CALHM6: variants seen among roughly 807,000 people sequenced by gnomAD.
CALHM6 encodes calcium homeostasis modulator protein 6.
Under a neutral mutation model 12.7 loss-of-function variants are expected in CALHM6, and 15 were observed. The ratio of observed to expected loss-of-function variants is 1.18; its 90% CI spans 0.79 to 1.82. The LOEUF is 1.82. Ranked by LOEUF, CALHM6 falls within the 40% of genes most tolerant of loss-of-function variation. CALHM6 has a pLI of 0.00. For missense variants in CALHM6, 434 were observed against 421.0 expected (o/e 1.03, Z -0.27); for synonymous variants, 212 against 193.7 (o/e 1.09, Z -0.78).
Position 116,462,142 on chromosome 6 carries a change from C to A in CALHM6, c.213C>A (p.Ser71Arg). Residue 71 changes from serine (S) to arginine (R), a missense_variant, in exon 2 of 3, where the codon AGC becomes AGA. Ser to Arg is a moderately radical substitution (Grantham distance 110). Transcript: ENST00000368605. ...TCTTCCTCCTGGGCTACGTGCTGAG[C>A]GCACGCACGTGGCGCCTGCTCACCG... ...LALFLLGYVL[S>R]ARTWRLLTGC... The A allele has an allele frequency of 1.3e-6, 2 of 1,532,388 alleles. No individual in the cohort carries two copies. The highest frequency in any genetic ancestry group is 8.8e-7 in the Non-Finnish European group (1 of 1,142,170). The allele number at this position is 1,532,388 out of a possible 1,614,324, so 94.9% of individuals were successfully genotyped here. A position where few individuals can be genotyped will look rare whatever the true frequency, so the allele number is the denominator to read the frequency against.
chr6:116,462,707 C>T (rs779715616), intron 2 of CALHM6, among the ~76,000 whole-genome samples: 2 of 152,114 alleles, frequency 1.3e-5, no homozygotes, highest in Non-Finnish European at 2.9e-5. Flanking sequence ...AGTGGGCACG[C>T]CTACTCAGTG....
Position 116,462,153 on chromosome 6 carries a change from G to A in CALHM6, c.224G>A (p.Trp75Ter). 1 of 1,529,832 alleles carries A rather than the reference G, an allele frequency of 6.5e-7. No homozygotes were observed. The highest frequency in any genetic ancestry group is 1.2e-5 in the South Asian group (1 of 83,516). The allele number at this position is 1,529,832 out of a possible 1,614,324, so 94.8% of individuals were successfully genotyped here. A position where few individuals can be genotyped will look rare whatever the true frequency, so the allele number is the denominator to read the frequency against. ...LLGYVLSART[W>*]RLLTGCCSSA... ...GGCTACGTGCTGAGCGCACGCACGTGGCGCCTGCTCACCGGATGCTGCTCC... is the reference window on the plus strand; with the variant it reads ...GGCTACGTGCTGAGCGCACGCACGTAGCGCCTGCTCACCGGATGCTGCTCC... Residue 75 changes from tryptophan (W) to a stop codon, truncating the protein, a stop_gained, in exon 2 of 3, where the codon TGG (tryptophan) becomes TAG (stop). Coordinates refer to ENST00000368605, the MANE Select transcript of CALHM6 (RefSeq NM_001010919.3). LOFTEE classifies it high-confidence loss of function.
At position 116,461,894 on chromosome 6, in the gene CALHM6, C is replaced by A; in HGVS notation, c.-36C>A. The A allele has an allele frequency of 6.8e-7, 1 of 1,474,680 alleles. No individual in the cohort carries two copies. Among genetic ancestry groups the A allele is most frequent in the Non-Finnish European group, 9.0e-7 (1 of 1,106,334 alleles). The allele number at this position is 1,474,680 out of a possible 1,614,324, so 91.3% of individuals were successfully genotyped here. On this transcript the variant is annotated 5_prime_UTR_variant, in exon 2 of 3. It adds an upstream start codon to the 5' untranslated region. Transcript: ENST00000368605. ...CAGGACAACGAAGAGGCAGAAGGAT[C>A]TGGGCCTGTGCGCGACGCCCCGGGG...
chr6:116,463,033 G>C (rs887666640), intron 2 of CALHM6, among the ~76,000 whole-genome samples: 2 of 152,164 alleles, frequency 1.3e-5, no homozygotes, highest in Non-Finnish European at 2.9e-5. Flanking sequence ...AGTTCTAAGG[G>C]AATGGTATGG....
At position 116,463,560 on chromosome 6, in the gene CALHM6, C is replaced by T. The variant is rs199779640; in HGVS notation, c.803C>T (p.Pro268Leu). 3 of 1,614,002 alleles carry T rather than the reference C, an allele frequency of 1.9e-6. No homozygotes were observed. The Admixed American group carries it at 5.0e-5, about 27-fold the overall frequency. The part of the protein sequence containing the change: ...QQISSLYTFN[P>L]KGQYYSMLHK... ...ATTTCATCACTGTATACTTTCAATCCGAAGGGCCAGTACTACAGCATGTTG... is the reference window on the plus strand; with the variant it reads ...ATTTCATCACTGTATACTTTCAATCTGAAGGGCCAGTACTACAGCATGTTG... Residue 268 changes from proline (P) to leucine (L), a missense_variant, in exon 3 of 3, where the codon CCG becomes CTG. Pro to Leu is a moderately conservative substitution (Grantham distance 98). Transcript: ENST00000368605.
rs11299983 is a variant in CALHM6 at position 116,463,721 on chromosome 6, GA to G, written c.*25del. On this transcript the variant is annotated 3_prime_UTR_variant, in exon 3 of 3. Coordinates refer to ENST00000368605, the MANE Select transcript of CALHM6 (RefSeq NM_001010919.3). ...TGAGTTATGACCTTTTGAATGAGTAGAAAAAAAAATTGTTTTGAATTATTGC... is the reference window on the plus strand; with the variant it reads ...TGAGTTATGACCTTTTGAATGAGTAGAAAAAAAATTGTTTTGAATTATTGC... 4,259 of 1,450,412 alleles carry G rather than the reference GA, an allele frequency of 2.9e-3. 68 individuals carry two copies. Among genetic ancestry groups the G allele is most frequent in the Admixed American group, 0.029 (1,134 of 39,776 alleles). The allele number at this position is 1,450,412 out of a possible 1,614,324, so 89.8% of individuals were successfully genotyped here. A position where few individuals can be genotyped will look rare whatever the true frequency, so the allele number is the denominator to read the frequency against.
chr6:116,462,150 C>G lies in CALHM6; in HGVS notation c.221C>G (p.Thr74Arg), dbSNP rs1453322550. The G allele has an allele frequency of 6.5e-7, 1 of 1,530,140 alleles. No homozygotes were observed. Among genetic ancestry groups the G allele is most frequent in the Admixed American group, 2.0e-5 (1 of 50,684 alleles). The allele number at this position is 1,530,140 out of a possible 1,614,324, so 94.8% of individuals were successfully genotyped here. Residue 74 changes from threonine (T) to arginine (R), a missense_variant, in exon 2 of 3, where the codon ACG becomes AGG. By Grantham distance (71) the Thr-to-Arg change is moderately conservative. Coordinates refer to ENST00000368605, the MANE Select transcript of CALHM6 (RefSeq NM_001010919.3). ...CTGGGCTACGTGCTGAGCGCACGCA[C>G]GTGGCGCCTGCTCACCGGATGCTGC... ...FLLGYVLSARTWRLLTGCCSS... is the reference protein window; with the variant it reads ...FLLGYVLSARRWRLLTGCCSS...
Position 116,462,023 on chromosome 6 carries a change from C to A in CALHM6, c.94C>A (p.Arg32Ser). The A allele has an allele frequency of 6.5e-7, 1 of 1,548,442 alleles. No homozygotes were observed. The highest frequency in any genetic ancestry group is 8.7e-7 in the Non-Finnish European group (1 of 1,146,174). ...GACCCTGCTGACGGCGGGCGGGGAG[C>A]GCATCTTCTCCGCCGTGGCATTCCA... ...LVTLLTAGGE[R>S]IFSAVAFQCP... The change falls in exon 2 of 3, where the codon CGC (arginine) becomes AGC (serine). Residue 32 changes from arginine (R) to serine (S), a missense_variant. By Grantham distance (110) the Arg-to-Ser change is moderately radical (BLOSUM62 -1). Coordinates refer to ENST00000368605, the MANE Select transcript of CALHM6 (RefSeq NM_001010919.3).
Position 116,462,424 on chromosome 6 carries a change from C to T in CALHM6, c.495C>T (p.Asp165=), listed in dbSNP as rs751061740. The T allele has an allele frequency of 6.0e-6, 9 of 1,501,380 alleles. No homozygotes were observed. The highest frequency in any genetic ancestry group is 8.0e-6 in the Non-Finnish European group (9 of 1,125,402). 93.0% of individuals were successfully genotyped at this position (1,501,380 alleles called of 1,614,324 possible). ...AGGCCAAGGCGTCGGACGTGCAGGA[C>T]CTCCTGAAGGATCTGAAGGCTCAGT... ...CNQAKASDVQ[D]LLKDLKAQSQ... is the part of the protein sequence containing the mutation. Residue 165 remains aspartate (D), a synonymous_variant, in exon 2 of 3, where the codon GAC becomes GAT. Transcript: ENST00000368605.
chr6:116,462,411 C>G lies in CALHM6; in HGVS notation c.482C>G (p.Ser161Trp), dbSNP rs999988021. The change falls in exon 2 of 3, where the codon TCG becomes TGG. Residue 161 changes from serine to tryptophan, a missense_variant. Transcript: ENST00000368605. Reference protein sequence around the residue: ...PLVPCNQAKASDVQDLLKDLK... With the variant: ...PLVPCNQAKAWDVQDLLKDLK... The stretch of plus-strand genomic sequence containing the variant: ...GTGCCGTGCAACCAGGCCAAGGCGT[C>G]GGACGTGCAGGACCTCCTGAAGGAT... 5 of 1,495,186 alleles carry G rather than the reference C, an allele frequency of 3.3e-6. No individual in the cohort carries two copies. Among genetic ancestry groups the G allele is most frequent in the Non-Finnish European group, 4.5e-6 (5 of 1,123,522 alleles). 92.6% of individuals were successfully genotyped at this position (1,495,186 alleles called of 1,614,324 possible). A position where few individuals can be genotyped will look rare whatever the true frequency, so the allele number is the denominator to read the frequency against.
At chr6:116,462,671 C>T (rs556617380) in intron 2 of CALHM6, among the ~76,000 whole-genome samples, 3 of 152,270 alleles carry the variant, frequency 2.0e-5, no homozygotes, top group Non-Finnish European at 2.9e-5. Context: ...TGGCACTGTA[C>T]ATGAATCGTG....
rs1290424945 is a variant in CALHM6, at chr6:116,462,108, C to A, written c.179C>A (p.Ala60Glu). The change falls in exon 2 of 3, where the codon GCG (alanine) becomes GAG (glutamate). Residue 60 changes from alanine to glutamate, a missense_variant. Ala to Glu is a moderately radical substitution (Grantham distance 107). Transcript: ENST00000368605. ...GGCCTGGTCTTCTTGCTGGTGCCGG[C>A]GCTCGCGCTCTTCCTCCTGGGCTAC... is the stretch of plus-strand genomic sequence containing the variant. Reference protein sequence around the residue: ...PYGLVFLLVPALALFLLGYVL... With the variant: ...PYGLVFLLVPELALFLLGYVL... The A allele has an allele frequency of 1.8e-5, 27 of 1,542,058 alleles. No homozygotes were observed. The highest frequency in any genetic ancestry group is 2.4e-5 in the Non-Finnish European group (27 of 1,145,514).
chr6:116,462,698 G>A (rs911393316), intron 2 of CALHM6, among the ~76,000 whole-genome samples: 1 of 152,186 alleles, frequency 6.6e-6, no homozygotes, highest in African/African-American at 2.4e-5. Context: ...GGGAGTGAGA[G>A]TGGGCACGCC....
At position 116,462,292 on chromosome 6, in the gene CALHM6, C is replaced by T. The variant is rs1027902364; in HGVS notation, c.363C>T (p.Gly121=). ...GGGTGGCCGTGGCGCTGCTCGGGGG[C>T]GCCTTTTACGAGTGCGCGGCCACCG... The part of the protein sequence containing the change: ...LTWVAVALLG[G]AFYECAATGS... The change falls in exon 2 of 3, where the codon GGC becomes GGT. Residue 121 remains glycine (G), a synonymous_variant. Transcript: ENST00000368605. The T allele has an allele frequency of 5.0e-6, 7 of 1,411,178 alleles. No individual in the cohort carries two copies. The highest frequency in any genetic ancestry group is 3.1e-5 in the Admixed American group (1 of 32,342). 87.4% of individuals were successfully genotyped at this position (1,411,178 alleles called of 1,614,324 possible).
Position 116,462,143 on chromosome 6 carries a change from G to A in CALHM6, c.214G>A (p.Ala72Thr), listed in dbSNP as rs1430243008. The change falls in exon 2 of 3, where the codon GCA (alanine) becomes ACA (threonine). Residue 72 changes from alanine to threonine, a missense_variant. Physicochemically the swap from Ala to Thr is moderately conservative, Grantham distance 58. Coordinates refer to ENST00000368605, the MANE Select transcript of CALHM6 (RefSeq NM_001010919.3). ...ALFLLGYVLS[A>T]RTWRLLTGCC... ...CTTCCTCCTGGGCTACGTGCTGAGC[G>A]CACGCACGTGGCGCCTGCTCACCGG... 3 of 1,531,762 alleles carry A rather than the reference G, an allele frequency of 2.0e-6. No individual in the cohort carries two copies. Among genetic ancestry groups the A allele is most frequent in the Non-Finnish European group, 2.6e-6 (3 of 1,142,040 alleles). 94.9% of individuals were successfully genotyped at this position (1,531,762 alleles called of 1,614,324 possible). A position where few individuals can be genotyped will look rare whatever the true frequency, so the allele number is the denominator to read the frequency against.
rs777324442 is a variant in CALHM6, at chr6:116,462,060, G to C, written c.131G>C (p.Ser44Thr). ...FSAVAFQCPC[S>T]AAWNLPYGLV... Reference sequence around the variant, plus strand: ...GCCGTGGCATTCCAGTGCCCGTGCAGCGCCGCCTGGAACCTGCCCTACGGC... The same window carrying C: ...GCCGTGGCATTCCAGTGCCCGTGCACCGCCGCCTGGAACCTGCCCTACGGC... The change falls in exon 2 of 3, where the codon AGC (serine) becomes ACC (threonine). Residue 44 changes from serine (S) to threonine (T), a missense_variant. Transcript: ENST00000368605. 2 of 1,548,074 alleles carry C rather than the reference G, an allele frequency of 1.3e-6. No homozygotes were observed. Among genetic ancestry groups the C allele is most frequent in the Non-Finnish European group, 1.7e-6 (2 of 1,146,410 alleles).
chr6:116,463,248 G>T, intron 2 of CALHM6, 35 bp from the exon 3 acceptor site: 1 of 1,545,416 alleles, frequency 6.5e-7, no homozygotes, highest in Non-Finnish European at 8.7e-7. Context: ...AAAAAACCAA[G>T]TAACTAAATT....
rs1225557318 is a variant in CALHM6, at chr6:116,463,356, C to T, written c.599C>T (p.Ser200Phe). Residue 200 changes from serine (S) to phenylalanine (F), a missense_variant, in exon 3 of 3, where the codon TCT becomes TTT. Transcript: ENST00000368605. Reference sequence around the variant, plus strand: ...TTTACATCTGTCACCCGATGCCTATCTCCAGTTAGTTTTCTGCAGCTGAAA... The same window carrying T: ...TTTACATCTGTCACCCGATGCCTATTTCCAGTTAGTTTTCTGCAGCTGAAA... ...LIFTSVTRCL[S>F]PVSFLQLKFW... The T allele has an allele frequency of 1.2e-6, 2 of 1,614,100 alleles. No individual in the cohort carries two copies. The highest frequency in any genetic ancestry group is 4.5e-5 in the East Asian group (2 of 44,876).
chr6:116,463,540 A>G lies in CALHM6; in HGVS notation c.783A>G (p.Ser261=). 1.9e-6 allele frequency: 3 copies of G among 1,614,154 alleles called. No individual in the cohort carries two copies. The highest frequency in any genetic ancestry group is 2.5e-6 in the Non-Finnish European group (3 of 1,180,016). The change falls in exon 3 of 3, where the codon TCA becomes TCG. Residue 261 remains serine, a synonymous_variant. Transcript: ENST00000368605. The part of the protein sequence containing the change: ...TPSMKEWQQI[S]SLYTFNPKGQ... ...GCATGAAAGAGTGGCAGCAAATTTC[A>G]TCACTGTATACTTTCAATCCGAAGG... is the stretch of plus-strand genomic sequence containing the variant.
Sources: allele counts gnomAD v4.1 joint callset (sites outside exome capture counted in the v4.1 genomes callset), GRCh38; gene constraint gnomAD v4.1.1; transcripts MANE v1.5; gene names NCBI Gene and HGNC (gene_info 2026-07-23, HGNC 2026-07-21).